The following MGAM variants were observed in gnomAD, a reference collection of about 807,000 sequenced individuals.
The protein encoded by MGAM is alpha-1,4-glucosidase.
MGAM carries 253 observed loss-of-function variants against 358.8 expected under a neutral mutation model. The observed-to-expected ratio is 0.71, with a 90% CI of 0.64 to 0.78. The LOEUF is 0.78. Ranked by LOEUF, MGAM falls within the 30% of genes least tolerant of loss-of-function variation. MGAM has a pLI of 0.00. For synonymous variants in MGAM, 1,105 were observed against 1,227.1 expected (o/e 0.90, Z 2.08); for missense variants, 3,080 against 3,432.6 (o/e 0.90, Z 2.57).
chr7:141,994,066 C>G (rs782608724), upstream of MGAM, among the ~76,000 whole-genome samples: 1 of 152,162 alleles, frequency 6.6e-6, no homozygotes, highest in East Asian at 1.9e-4. Flanking sequence ...AGTAGAGACG[C>G]GGTTTCACCA....
rs782145896 is a variant in MGAM, at chr7:142,034,276, T to A, written c.1684T>A (p.Tyr562Asn). Residue 562 changes from tyrosine to asparagine, a missense_variant, in exon 15 of 71, where the codon TAC (tyrosine) becomes AAC (asparagine). Transcript: ENST00000475668. ...TTTTGTTTCAGGAATCCTGGATGGG[T>A]ACCTGTTCTGCAAGACTCTCTGTAT... ...PPFTPRILDG[Y>N]LFCKTLCMDA... The A allele has an allele frequency of 6.3e-7, 1 of 1,592,630 alleles. No individual in the cohort carries two copies. Among genetic ancestry groups the A allele is most frequent in the Non-Finnish European group, 8.6e-7 (1 of 1,168,892 alleles).
At chr7:142,066,386 T>A (rs1351028346) in intron 40 of MGAM, among the ~76,000 whole-genome samples, 187 bp from the exon 41 acceptor site, 1 of 146,414 alleles carries the variant, frequency 6.8e-6, no homozygotes, top group African/African-American at 2.4e-5. Flanking sequence ...AGTGAAATTT[T>A]ATCAGCTGTC....
rs201733895 is a variant in MGAM, at chr7:142,050,700, C to T, written c.2641C>T (p.Arg881Cys). 79 of 1,612,664 alleles carry T rather than the reference C, an allele frequency of 4.9e-5. No homozygotes were observed. The highest frequency in any genetic ancestry group is 6.0e-5 in the Non-Finnish European group (71 of 1,179,234). The part of the protein sequence containing the change: ...LLCEFSVTQN[R>C]LEVNISQSTY... ...CTTGGACTTAATTGTTTTGCAGAAC[C>T]GCTTGGAGGTGAATATTTCACAATC... Residue 881 changes from arginine to cysteine, a missense_variant, in exon 24 of 71, where the codon CGC becomes TGC. By Grantham distance (180) the Arg-to-Cys change is radical (BLOSUM62 -3). Transcript: ENST00000475668.
intron 8 of MGAM, among the ~76,000 whole-genome samples, chr7:142,025,977 GT>G (rs1806927030): frequency 6.6e-6 from 1 of 152,102 alleles, no homozygotes; most frequent in African/African-American, 2.4e-5. Context: ...AGACTGTACA[GT>G]TTTAGATAGG....
At chr7:142,019,752 C>A (rs569200427) in intron 4 of MGAM, among the ~76,000 whole-genome samples, 2 of 152,160 alleles carry the variant, frequency 1.3e-5, no homozygotes, top group African/African-American at 4.8e-5. Flanking sequence ...GTGAATAGCC[C>A]CTCTTCTTCC....
chr7:142,062,504 T>A, intron 34 of MGAM, 64 bp from the exon 35 acceptor site: 1 of 1,530,858 alleles, frequency 6.5e-7, no homozygotes, highest in South Asian at 1.3e-5. Context: ...GCATTCTCAG[T>A]AAGTGCCTGT....
At chr7:142,050,099 G>A in intron 22 of MGAM, 136 bp from the exon 23 acceptor site, 2 of 762,938 alleles carry the variant, frequency 2.6e-6, no homozygotes, top group Admixed American at 4.5e-5. Context: ...ATATACAATT[G>A]AAAATTATTC....
rs76002154 is a variant in MGAM at position 142,022,721 on chromosome 7, G to A, written c.882+282G>A. On this transcript the variant is annotated intron_variant, in intron 7 of 70. Coordinates refer to ENST00000475668, the MANE Select transcript of MGAM (RefSeq NM_001365693.1). ...TATCTAGAAGAATGGCTGCCAGAAA[G>A]AAGGTACTCAATAAATGCCAACTCC... Among the ~76,000 whole-genome samples the A allele has an allele frequency of 6.7e-3, 1,027 of 152,266 alleles. 6 individuals are homozygous for A. The highest frequency in any genetic ancestry group is 0.024 in the African/African-American group (1,001 of 41,548).
intron 41 of MGAM, 56 bp from the exon 42 acceptor site, chr7:142,067,285 A>C: frequency 8.5e-7 from 1 of 1,172,042 alleles, no homozygotes. Flanking sequence ...GCTTCTTCAG[A>C]GTGTCGGGCT....
At chr7:142,019,962 A>G (rs1424110334) in intron 4 of MGAM, among the ~76,000 whole-genome samples, 1 of 151,940 alleles carries the variant, frequency 6.6e-6, no homozygotes, top group African/African-American at 2.4e-5. Context: ...CCAGCTACTC[A>G]GGAGGCTGAG....
chr7:142,036,144 A>G, intron 16 of MGAM, 25 bp from the exon 17 acceptor site: 1 of 1,519,836 alleles, frequency 6.6e-7, no homozygotes, highest in Non-Finnish European at 9.1e-7. Flanking sequence ...AGTGAGGTAT[A>G]CCTGTTGTCT....
rs1481338005 is a variant in MGAM at position 142,102,661 on chromosome 7, C to T, written c.7995C>T (p.Ala2665=). The change falls in exon 69 of 71, where the codon GCC becomes GCT. Residue 2665 remains alanine (A), a synonymous_variant. Transcript: ENST00000475668. The part of the protein sequence containing the change: ...DTYGKGLYYL[A]SFSASQNTMQ... ...ATGGGAAAGGACTCTATTACTTGGC[C>T]AGCTTTTCTGCCAGCCAGGTGAGTG... 7.4e-6 allele frequency: 12 copies of T among 1,613,206 alleles called. No individual in the cohort carries two copies. Among genetic ancestry groups the T allele is most frequent in the Non-Finnish European group, 9.3e-6 (11 of 1,179,624 alleles).
intron 2 of MGAM, among the ~76,000 whole-genome samples, chr7:141,990,103 T>G (rs1296729834): frequency 6.6e-6 from 1 of 151,958 alleles, no homozygotes; most frequent in Non-Finnish European, 1.5e-5. Context: ...TCTTAAGGAG[T>G]GGCTAGCACT....
At chr7:142,061,565 C>T (rs182010530) in intron 34 of MGAM, among the ~76,000 whole-genome samples, 2 of 152,216 alleles carry the variant, frequency 1.3e-5, no homozygotes, top group East Asian at 1.9e-4. Flanking sequence ...CCTACCTGCC[C>T]TTTATCTGTG....
At chr7:142,006,795 A>G (rs1805201985) in intron 2 of MGAM, among the ~76,000 whole-genome samples, 1 of 152,122 alleles carries the variant, frequency 6.6e-6, no homozygotes, top group Non-Finnish European at 1.5e-5. Flanking sequence ...TATAAGCTGA[A>G]CCAATTGAGA....
In MGAM at chr7:142,036,615, A is replaced by G. The variant is rs534946564; in HGVS notation, c.2077-208A>G. 3.3e-5 allele frequency among the ~76,000 whole-genome samples: 5 copies of G among 152,354 alleles called. No homozygotes were observed. The South Asian group carries it at 6.2e-4, about 19-fold the overall frequency. On this transcript the variant is annotated intron_variant, in intron 17 of 70. Coordinates refer to ENST00000475668, the MANE Select transcript of MGAM (RefSeq NM_001365693.1). ...AAATTATTTAAATTGCAGCCTCCCA[A>G]GAGAGGAATCTTAAAGAATGAGGAA...
intron 18 of MGAM, 120 bp from the exon 19 acceptor site, chr7:142,038,411 T>G: frequency 1.4e-6 from 1 of 698,924 alleles, no homozygotes; most frequent in South Asian, 1.8e-5. Flanking sequence ...ACAGAATAAT[T>G]TGGGGGGTTT....
At chr7:141,997,657 C>T (rs548163992) in intron 1 of MGAM, among the ~76,000 whole-genome samples, 1 of 152,154 alleles carries the variant, frequency 6.6e-6, no homozygotes, top group Non-Finnish European at 1.5e-5. Context: ...TAGAGATGAT[C>T]CTTTTGCAGT....
chr7:141,988,253 A>C (rs964398803), intron 2 of MGAM, among the ~76,000 whole-genome samples: 1 of 152,146 alleles, frequency 6.6e-6, no homozygotes, highest in Non-Finnish European at 1.5e-5. Context: ...GCGCCACTGC[A>C]CTTCAGCACT....
Sources: allele counts gnomAD v4.1 joint callset (sites outside exome capture counted in the v4.1 genomes callset), GRCh38; gene constraint gnomAD v4.1.1; transcripts MANE v1.5; gene names NCBI Gene and HGNC (gene_info 2026-07-23, HGNC 2026-07-21).